The following CIB4 variants were observed in gnomAD, a reference collection of about 807,000 sequenced individuals.
CIB4 encodes the protein calcium and integrin-binding family member 4.
CIB4 carries 25 observed loss-of-function variants against 25.8 expected under a neutral mutation model. The observed-to-expected ratio is 0.97, with a 90% CI of 0.71 to 1.35. The LOEUF (loss-of-function observed/expected upper bound fraction) is 1.35. Ranked by LOEUF, CIB4 falls within the 40% of genes most tolerant of loss-of-function variation. The pLI is 0.00. For synonymous variants in CIB4, 75 were observed against 81.4 expected (o/e 0.92, Z 0.42); for missense variants, 235 against 228.2 (o/e 1.03, Z -0.19).
At chr2:26,625,581 A>G (rs950056415) in intron 3 of CIB4, among the ~76,000 whole-genome samples, 6 of 151,996 alleles carry the variant, frequency 3.9e-5, no homozygotes, top group African/African-American at 1.4e-4. Flanking sequence ...CGAACTCCCA[A>G]CCTCAGGTGA....
chr2:26,602,428 A>T (rs1276124), intron 3 of CIB4, among the ~76,000 whole-genome samples: 140,354 of 152,180 alleles, frequency 0.92, 65,035 homozygotes, highest in East Asian at 0.99. Flanking sequence ...ACAAGTATAC[A>T]AAGAGTGAAC....
chr2:26,599,196 C>T (rs1172236546), intron 3 of CIB4, among the ~76,000 whole-genome samples: 2 of 152,134 alleles, frequency 1.3e-5, no homozygotes, highest in Non-Finnish European at 2.9e-5. Context: ...GGTTTGAGGG[C>T]GTTTTGAACA....
At chr2:26,631,178 A>C (rs1486593003) in intron 2 of CIB4, among the ~76,000 whole-genome samples, 1 of 152,168 alleles carries the variant, frequency 6.6e-6, no homozygotes, top group Non-Finnish European at 1.5e-5. Flanking sequence ...ATTTAGGGAC[A>C]TGTAACTAAG....
chr2:26,606,237 T>TA (rs1419749495), intron 3 of CIB4, among the ~76,000 whole-genome samples: 6 of 152,306 alleles, frequency 3.9e-5, no homozygotes, highest in Non-Finnish European at 8.8e-5. Flanking sequence ...CCTAGGCACT[T>TA]ACAGATGTTT....
chr2:26,604,272 T>C (rs1668848580), intron 3 of CIB4, among the ~76,000 whole-genome samples: 1 of 151,710 alleles, frequency 6.6e-6, no homozygotes, highest in African/African-American at 2.4e-5. Flanking sequence ...CCCAGCCACC[T>C]GGGAGGCTGA....
At chr2:26,581,440 G>T (rs1459781767) in intron 6 of CIB4, 47 bp from the exon 7 acceptor site, 2 of 1,601,632 alleles carry the variant, frequency 1.2e-6, no homozygotes, top group East Asian at 2.2e-5. Flanking sequence ...AGGTCCAAGG[G>T]GCCCTCTGAC....
intron 3 of CIB4, among the ~76,000 whole-genome samples, chr2:26,597,129 A>G (rs1167213506): frequency 6.6e-6 from 1 of 152,254 alleles, no homozygotes; most frequent in Non-Finnish European, 1.5e-5. Flanking sequence ...TGTATCACCT[A>G]TAGAAATGCT....
chr2:26,590,837 G>A (rs1358869173), intron 4 of CIB4, among the ~76,000 whole-genome samples: 3 of 152,180 alleles, frequency 2.0e-5, no homozygotes, highest in African/African-American at 4.8e-5. Context: ...CTGGAGGAAG[G>A]AACCTCTGTG....
At chr2:26,582,943 TG>T in intron 5 of CIB4, 30 bp from the exon 6 acceptor site, 1 of 1,493,994 alleles carries the variant, frequency 6.7e-7, no homozygotes, top group Non-Finnish European at 9.3e-7. Context: ...GACAGTTGAG[TG>T]GAACCCCATG....
intron 3 of CIB4, among the ~76,000 whole-genome samples, chr2:26,604,913 C>T (rs529757605): frequency 2.0e-5 from 3 of 152,286 alleles, no homozygotes; most frequent in South Asian, 4.1e-4. Flanking sequence ...AAAAAGACTA[C>T]CAATCAACGG....
At chr2:26,605,709 G>C (rs1019840628) in intron 3 of CIB4, 1 of 275,934 alleles carries the variant, frequency 3.6e-6, no homozygotes, top group African/African-American at 2.3e-5. Flanking sequence ...AGGCTGTGAC[G>C]ACCTTGCAGG....
At chr2:26,599,846 G>A (rs1572549288) in intron 3 of CIB4, among the ~76,000 whole-genome samples, 1 of 151,884 alleles carries the variant, frequency 6.6e-6, no homozygotes, top group South Asian at 2.1e-4. Flanking sequence ...AGGCAGAGGT[G>A]GGTGGATCAC....
chr2:26,593,364 A>G (rs1668622228), intron 4 of CIB4, among the ~76,000 whole-genome samples: 1 of 151,820 alleles, frequency 6.6e-6, no homozygotes, highest in Non-Finnish European at 1.5e-5. Context: ...ACATATACAT[A>G]TATACACACG....
At chr2:26,600,913 G>C (rs1169248540) in intron 3 of CIB4, among the ~76,000 whole-genome samples, 1 of 152,026 alleles carries the variant, frequency 6.6e-6, no homozygotes, top group Non-Finnish European at 1.5e-5. Context: ...GAACAACAAA[G>C]CTGGAGGACT....
chr2:26,605,793 G>C (rs1275710186), intron 3 of CIB4, among the ~76,000 whole-genome samples: 1 of 152,196 alleles, frequency 6.6e-6, no homozygotes, highest in African/African-American at 2.4e-5. Context: ...TTTACAAAGA[G>C]AGGAAACAGC....
At chr2:26,583,002 A>AT in intron 5 of CIB4, 89 bp from the exon 6 acceptor site, 2 of 821,698 alleles carry the variant, frequency 2.4e-6, no homozygotes, top group Non-Finnish European at 4.2e-6. Flanking sequence ...GCCACATGCC[A>AT]GGGGCTCTCC....
At chr2:26,582,215 A>C (rs564817676) in intron 6 of CIB4, among the ~76,000 whole-genome samples, 1 of 152,310 alleles carries the variant, frequency 6.6e-6, no homozygotes, top group South Asian at 2.1e-4. Context: ...ACCCAGGAGC[A>C]GGAGACGCCA....
chr2:26,592,396 C>G (rs1668601504), intron 4 of CIB4, among the ~76,000 whole-genome samples: 1 of 152,214 alleles, frequency 6.6e-6, no homozygotes, highest in Non-Finnish European at 1.5e-5. Context: ...AGGGGGAACG[C>G]TGGTGTGGAC....
At chr2:26,633,424 A>G (rs1320008955) in intron 2 of CIB4, among the ~76,000 whole-genome samples, 2 of 152,038 alleles carry the variant, frequency 1.3e-5, no homozygotes, top group Non-Finnish European at 2.9e-5. Context: ...GGAGGGCTGA[A>G]CCCTAAACCA....
Sources: allele counts gnomAD v4.1 joint callset (sites outside exome capture counted in the v4.1 genomes callset), GRCh38; gene constraint gnomAD v4.1.1; transcripts MANE v1.5; gene names NCBI Gene and HGNC (gene_info 2026-07-23, HGNC 2026-07-21).